The following GALNT14 variants were observed in gnomAD, a reference collection of about 807,000 sequenced individuals.
GALNT14 encodes UDP-GalNAc:polypeptide N-acetylgalactosaminyltransferase 14.
In GALNT14, 60 loss-of-function variants were observed where a neutral mutation model predicts 77.5. That is an observed-to-expected ratio of 0.77 (90% CI 0.63 to 0.96). The LOEUF is 0.96. Ranked by LOEUF, GALNT14 falls within the 40% of genes least tolerant of loss-of-function variation. The pLI is 0.00. For synonymous variants in GALNT14, 280 were observed against 281.7 expected (o/e 0.99, Z 0.06); for missense variants, 710 against 731.0 (o/e 0.97, Z 0.33).
Position 30,945,796 on chromosome 2 carries a change from C to G in GALNT14, c.729G>C (p.Ser243=), listed in dbSNP as rs149308795. 7.3e-5 allele frequency: 118 copies of G among 1,614,042 alleles called. No individual in the cohort carries two copies. The African/African-American group carries it at 1.5e-3, about 21-fold the overall frequency. The change falls in exon 7 of 15, where the codon TCG becomes TCC. Residue 243 remains serine, a synonymous_variant. Coordinates refer to ENST00000349752, the MANE Select transcript of GALNT14 (RefSeq NM_024572.4). ...AGCCCAACTCACCCCCTCTGAGCTC[C>G]GAGGCAGACTCGATGTAGGTGAAGG... The part of the protein sequence containing the change: ...LDTFTYIESA[S]ELRGGFDWSL...
intron 3 of GALNT14, among the ~76,000 whole-genome samples, chr2:30,959,755 G>T (rs1220464124): frequency 3.9e-5 from 6 of 152,144 alleles, no homozygotes; most frequent in African/African-American, 1.4e-4. Flanking sequence ...CTGTGCTGTG[G>T]ATCTCTATCC....
intron 13 of GALNT14, among the ~76,000 whole-genome samples, chr2:30,917,076 C>CAA (rs529653696): frequency 0.023 from 451 of 19,894 alleles, 62 homozygotes; most frequent in African/African-American, 0.067. Flanking sequence ...GACTCCGTCT[C>CAA]AAAAAAAAAA....
chr2:31,061,321 A>T (rs1247287980), intron 1 of GALNT14, among the ~76,000 whole-genome samples: 1 of 152,040 alleles, frequency 6.6e-6, no homozygotes, highest in African/African-American at 2.4e-5. Flanking sequence ...CTCTTTCTCG[A>T]CCATCAAATC....
In GALNT14 at chr2:30,986,371, T is replaced by G. The variant is rs138349362; in HGVS notation, c.299+6467A>C. ...CTGCTAGCAAGAACATACATATGCT[T>G]TATCAAAATATTCCCTCCCTCCTGG... On this transcript the variant is annotated intron_variant, in intron 2 of 14. Coordinates refer to ENST00000349752, the MANE Select transcript of GALNT14 (RefSeq NM_024572.4). Among the ~76,000 whole-genome samples, 19 of 152,262 alleles carry G rather than the reference T, an allele frequency of 1.2e-4. No homozygotes were observed. In the East Asian group the frequency reaches 3.7e-3, roughly 29 times the overall value.
chr2:31,015,303 A>T (rs990045188), intron 1 of GALNT14, among the ~76,000 whole-genome samples: 75 of 151,614 alleles, frequency 4.9e-4, no homozygotes, highest in African/African-American at 1.8e-3. Context: ...AAAGGAAAAA[A>T]AAAAAAAAAA....
intron 2 of GALNT14, among the ~76,000 whole-genome samples, chr2:30,983,710 A>T (rs1669123289): frequency 6.9e-6 from 1 of 144,690 alleles, no homozygotes; most frequent in African/African-American, 2.5e-5. Context: ...ATAATAATCA[A>T]ACCATCTTAA....
the GALNT14 span, among the ~76,000 whole-genome samples, chr2:30,904,062 T>C: frequency 3.9e-5 from 6 of 152,190 alleles, no homozygotes; most frequent in African/African-American, 1.2e-4. Context: ...CAAGGAGTGG[T>C]GTCAGAATCA....
intron 1 of GALNT14, among the ~76,000 whole-genome samples, chr2:31,081,697 G>C (rs531901245): frequency 1.3e-5 from 2 of 152,294 alleles, no homozygotes; most frequent in South Asian, 4.1e-4. Flanking sequence ...TCAATGAAAT[G>C]TCAAAATAAA....
At chr2:30,904,388 C>T in the GALNT14 span, among the ~76,000 whole-genome samples, 1 of 152,200 alleles carries the variant, frequency 6.6e-6, no homozygotes, top group Non-Finnish European at 1.5e-5. Context: ...CGAGGCATTG[C>T]CTCACTTGGG....
chr2:31,005,817 A>C (rs1670638184), intron 1 of GALNT14, among the ~76,000 whole-genome samples: 1 of 152,212 alleles, frequency 6.6e-6, no homozygotes, highest in Non-Finnish European at 1.5e-5. Flanking sequence ...TGCCATGCAA[A>C]TGATAAGACA....
chr2:31,076,514 T>C (rs1287181215), intron 1 of GALNT14, among the ~76,000 whole-genome samples: 3 of 151,998 alleles, frequency 2.0e-5, no homozygotes, highest in South Asian at 4.2e-4. Context: ...CCTACAGAAA[T>C]GGCCACTGGA....
chr2:30,923,683 G>A (rs188401235), intron 13 of GALNT14, among the ~76,000 whole-genome samples: 31 of 152,202 alleles, frequency 2.0e-4, no homozygotes, highest in Middle Eastern at 3.4e-3. Flanking sequence ...AAATCAGCTG[G>A]GAGACTCACA....
At chr2:30,957,622 G>C (rs1667444566) in intron 4 of GALNT14, among the ~76,000 whole-genome samples, 1 of 152,166 alleles carries the variant, frequency 6.6e-6, no homozygotes, top group African/African-American at 2.4e-5. Context: ...AGCACCAATG[G>C]GTAGGGGTTT....
At chr2:30,988,414 G>T (rs1457745777) in intron 2 of GALNT14, among the ~76,000 whole-genome samples, 1 of 152,216 alleles carries the variant, frequency 6.6e-6, no homozygotes, top group Non-Finnish European at 1.5e-5. Flanking sequence ...GAGCTTCTCG[G>T]TAGAGGTGAT....
chr2:30,984,115 T>C (rs1442305209), intron 2 of GALNT14, among the ~76,000 whole-genome samples: 1 of 152,194 alleles, frequency 6.6e-6, no homozygotes, highest in East Asian at 1.9e-4. Context: ...GACAGAGTCC[T>C]TTTCCAGGCC....
chr2:30,988,225 A>C (rs1369148904), intron 2 of GALNT14, among the ~76,000 whole-genome samples: 1 of 152,204 alleles, frequency 6.6e-6, no homozygotes, highest in African/African-American at 2.4e-5. Flanking sequence ...GAGATGCTCA[A>C]CATGTTACTC....
intron 2 of GALNT14, chr2:30,991,567 T>G (rs1269879731): frequency 6.6e-6 from 1 of 152,232 alleles, no homozygotes; most frequent in Non-Finnish European, 1.5e-5. Flanking sequence ...CAGGAACTGC[T>G]GCTAAGGCAG....
chr2:30,952,641 G>A (rs1423683543), intron 6 of GALNT14, among the ~76,000 whole-genome samples: 11 of 147,668 alleles, frequency 7.4e-5, no homozygotes, highest in East Asian at 2.0e-4. Flanking sequence ...GGATAGCATC[G>A]GGAGATATAC....
At chr2:31,053,647 C>A (rs1674033690) in intron 1 of GALNT14, among the ~76,000 whole-genome samples, 2 of 152,150 alleles carry the variant, frequency 1.3e-5, no homozygotes, top group African/African-American at 4.8e-5. Flanking sequence ...CCAGGATGGT[C>A]CTGCCGCCAC....
Sources: allele counts gnomAD v4.1 joint callset (sites outside exome capture counted in the v4.1 genomes callset), GRCh38; gene constraint gnomAD v4.1.1; transcripts MANE v1.5; gene names NCBI Gene and HGNC (gene_info 2026-07-23, HGNC 2026-07-21).